SHTN1: variants seen among roughly 807,000 people sequenced by gnomAD.
SHTN1 encodes the protein shootin-1.
SHTN1 carries 42 observed loss-of-function variants against 83.1 expected under a neutral mutation model. That is an observed-to-expected ratio of 0.51 (90% CI 0.39 to 0.65). SHTN1 has a LOEUF of 0.65. Ranked by LOEUF, SHTN1 falls within the 30% of genes least tolerant of loss-of-function variation. The pLI is 0.00. For missense variants in SHTN1, 622 were observed against 737.8 expected, an observed-to-expected ratio of 0.84 and a Z score of 1.82; for synonymous variants, 224 against 247.7, an observed-to-expected ratio of 0.90 and a Z score of 0.90.
chr10:117,039,831 C>G (rs1385078584), intron 2 of SHTN1, among the ~76,000 whole-genome samples: 1 of 139,452 alleles, frequency 7.2e-6, no homozygotes, highest in Non-Finnish European at 1.5e-5. Flanking sequence ...CCAGCCTGGG[C>G]AACAGAGTGA....
At chr10:117,005,927 C>G (rs1851999175), upstream of SHTN1, among the ~76,000 whole-genome samples, 1 of 152,174 alleles carries the variant, frequency 6.6e-6, no homozygotes, top group African/African-American at 2.4e-5. Context: ...CCGAAGGTCA[C>G]GCAGCCCCCG....
intron 2 of SHTN1, among the ~76,000 whole-genome samples, chr10:117,046,234 T>G (rs560216903): frequency 4.6e-4 from 70 of 151,462 alleles, no homozygotes; most frequent in Middle Eastern, 3.4e-3. Flanking sequence ...CTGCAAAAAA[T>G]ACAAAGAAGC....
intron 11 of SHTN1, among the ~76,000 whole-genome samples, chr10:116,926,367 T>C (rs1331812790): frequency 6.6e-6 from 1 of 152,224 alleles, no homozygotes; most frequent in African/African-American, 2.4e-5. Context: ...AAGTGATGAA[T>C]TTCCAATTTT....
chr10:117,095,767 T>G (rs1268726898), intron 1 of SHTN1, among the ~76,000 whole-genome samples: 1 of 152,320 alleles, frequency 6.6e-6, no homozygotes, highest in East Asian at 1.9e-4. Context: ...ATTAATTAAT[T>G]TCTTTTTCAG....
intron 8 of SHTN1, among the ~76,000 whole-genome samples, chr10:116,941,170 G>A (rs965912662): frequency 2.6e-5 from 4 of 152,144 alleles, no homozygotes; most frequent in South Asian, 2.1e-4. Flanking sequence ...AAGAACACAC[G>A]TAAGTGACAA....
intron 1 of SHTN1, among the ~76,000 whole-genome samples, chr10:117,065,727 T>TGAAAGAAAA (rs1852969616): frequency 1.7e-4 from 2 of 11,986 alleles, no homozygotes; most frequent in African/African-American, 3.6e-4. Flanking sequence ...GAGAGAGAGA[T>TGAAAGAAAA]GAAAGAAAGA....
chr10:117,029,097 AC>A (rs1377533847), intron 2 of SHTN1, among the ~76,000 whole-genome samples: 1 of 152,170 alleles, frequency 6.6e-6, no homozygotes, highest in Non-Finnish European at 1.5e-5. Context: ...TTGGGAGTCC[AC>A]CTCTTATATC....
intron 1 of SHTN1, among the ~76,000 whole-genome samples, chr10:117,070,006 G>A (rs184902846): frequency 1.2e-4 from 19 of 152,022 alleles, no homozygotes; most frequent in Admixed American, 3.3e-4. Context: ...AAGGAACTAC[G>A]ATGATAGAAA....
intron 1 of SHTN1, among the ~76,000 whole-genome samples, chr10:116,981,864 C>G (rs550025702): frequency 1.3e-5 from 2 of 152,130 alleles, no homozygotes; most frequent in South Asian, 4.1e-4. Context: ...TGAGACCAGC[C>G]TGACCAACAT....
intron 1 of SHTN1, among the ~76,000 whole-genome samples, chr10:117,002,486 T>C (rs1305206020): frequency 1.3e-5 from 2 of 152,224 alleles, no homozygotes; most frequent in African/African-American, 2.4e-5. Flanking sequence ...AGTGGAATTA[T>C]CACTCAGAAT....
In SHTN1 at chr10:117,084,035, T is replaced by TC. The variant is rs555563123; in HGVS notation, c.-188-35526dup. On this transcript the variant is annotated intron_variant, in intron 1 of 17. Coordinates refer to the SHTN1 transcript ENST00000392901. ...GTAATTTGATCTTCTGAAGCCTTCT[T>TC]CTCTCAGCTCGTCAAAGTCATTCTC... Among the ~76,000 whole-genome samples, 22 of 152,300 alleles carry TC rather than the reference T, an allele frequency of 1.4e-4. No individual in the cohort carries two copies. The East Asian group carries it at 3.7e-3, about 25-fold the overall frequency.
chr10:117,084,681 T>G (rs1349273069), intron 1 of SHTN1, among the ~76,000 whole-genome samples: 1 of 152,020 alleles, frequency 6.6e-6, no homozygotes, highest in Non-Finnish European at 1.5e-5. Context: ...GTGCTAGCAA[T>G]CAGCGAGACT....
chr10:117,065,706 A>T (rs1589917470), intron 1 of SHTN1, among the ~76,000 whole-genome samples: 1 of 18,294 alleles, frequency 5.5e-5, no homozygotes, highest in South Asian at 6.1e-3. Context: ...CAACAAAGCG[A>T]GAGAGAGAGA....
At chr10:116,971,652 A>T (rs993807933) in intron 2 of SHTN1, among the ~76,000 whole-genome samples, 1 of 152,214 alleles carries the variant, frequency 6.6e-6, no homozygotes, top group Non-Finnish European at 1.5e-5. Flanking sequence ...CTAGTTTCCG[A>T]CTAGGCTCAA....
intron 1 of SHTN1, among the ~76,000 whole-genome samples, chr10:117,081,055 G>T (rs1853253566): frequency 6.6e-6 from 1 of 151,970 alleles, no homozygotes; most frequent in Non-Finnish European, 1.5e-5. Context: ...GCCCTGGCCA[G>T]AACTTCCAAC....
intron 1 of SHTN1, among the ~76,000 whole-genome samples, chr10:116,983,690 AC>A (rs869103136): frequency 0.16 from 2,852 of 17,578 alleles, 26 homozygotes; most frequent in East Asian, 0.36. Context: ...ATAGATAAAT[AC>A]ATACATACAT....
intron 1 of SHTN1, among the ~76,000 whole-genome samples, chr10:116,981,707 G>A (rs150079532): frequency 8.5e-5 from 13 of 152,264 alleles, no homozygotes; most frequent in Non-Finnish European, 1.6e-4. Flanking sequence ...TTTATTTAAT[G>A]TTCTATAATT....
chr10:117,110,921 G>A (rs920894888), intron 1 of SHTN1, among the ~76,000 whole-genome samples: 1 of 152,184 alleles, frequency 6.6e-6, no homozygotes, highest in Non-Finnish European at 1.5e-5. Flanking sequence ...TTGTGGCTGG[G>A]TGTAATGGCT....
At chr10:117,118,167 T>C (rs1469981515) in intron 1 of SHTN1, among the ~76,000 whole-genome samples, 1 of 151,974 alleles carries the variant, frequency 6.6e-6, no homozygotes, top group Non-Finnish European at 1.5e-5. Flanking sequence ...AACCAGACTA[T>C]ATAAGCAGCT....
Sources: gnomAD v4.1 joint callset for allele counts (sites outside exome capture counted in the v4.1 genomes callset) on GRCh38, gnomAD v4.1.1 for gene constraint, MANE v1.5 for transcripts, NCBI Gene and HGNC (gene_info 2026-07-23, HGNC 2026-07-21) for gene names.